The following MEGF8 variants were observed in gnomAD, a reference collection of about 807,000 sequenced individuals.
The protein encoded by MEGF8 is multiple EGF like domains 8.
MEGF8 carries 156 observed loss-of-function variants against 302.9 expected under a neutral mutation model. That is an observed-to-expected ratio of 0.52 (90% CI 0.45 to 0.59). The LOEUF (loss-of-function observed/expected upper bound fraction) is 0.59. MEGF8 is among the 20% of genes least tolerant of loss of function. The probability of loss-of-function intolerance (pLI) is 0.00; values close to 1 mark genes in which losing one functional copy is unlikely to be tolerated. For missense variants in MEGF8, 3,345 were observed against 3,964.5 expected (o/e 0.84, Z 4.20); for synonymous variants, 1,621 against 1,660.5 (o/e 0.98, Z 0.58).
Position 42,356,360 on chromosome 19 carries a change from G to A in MEGF8, c.4529G>A (p.Arg1510His), listed in dbSNP as rs541874206. The A allele has an allele frequency of 4.3e-5, 70 of 1,612,978 alleles. No individual in the cohort carries two copies. The highest frequency in any genetic ancestry group is 3.3e-4 in the African/African-American group (25 of 75,016). The change falls in exon 26 of 42, where the codon CGC (arginine) becomes CAC (histidine). Residue 1510 changes from arginine to histidine, a missense_variant. By Grantham distance (29) the Arg-to-His change is conservative. Transcript: ENST00000251268. The surrounding 1 kb of genome is among the most constrained non-coding windows in gnomAD (Gnocchi z 5.2). ...GACACTGCCAGCCGCTTCCTGCACC[G>A]CCTGGGCCACACCATGGTGGATGGA... Reference protein sequence around the residue: ...SADTASRFLHRLGHTMVDGPD... With the variant: ...SADTASRFLHHLGHTMVDGPD...
chr19:42,350,480 A>G, intron 15 of MEGF8, 96 bp downstream of exon 15: 1 of 1,162,864 alleles, frequency 8.6e-7, no homozygotes, highest in Non-Finnish European at 1.2e-6. Flanking sequence ...TGTGGGGGAA[A>G]CAGCAAGGGC....
rs2039429647 is a variant in MEGF8 at position 42,354,937 on chromosome 19, T to C, written c.4144+217T>C. The stretch of plus-strand genomic sequence containing the variant: ...GCAGAGAGAAGGGCTGAATGAGACA[T>C]GTCTCTGGGGCATATAGAATGTGGT... On this transcript the variant is annotated intron_variant, in intron 23 of 41. Transcript: ENST00000251268. The surrounding 1 kb of genome is among the most constrained non-coding windows in gnomAD (Gnocchi z 4.3). Among the ~76,000 whole-genome samples the C allele has an allele frequency of 6.6e-6, 1 of 152,152 alleles. No homozygotes were observed. The highest frequency in any genetic ancestry group is 1.5e-5 in the Non-Finnish European group (1 of 68,030).
At chr19:42,350,525 G>T (rs1221454979) in intron 15 of MEGF8, 141 bp downstream of exon 15, 1 of 743,916 alleles carries the variant, frequency 1.3e-6, no homozygotes, top group Non-Finnish European at 2.1e-6. Flanking sequence ...GGTGGGGAGG[G>T]TGAGATGGAG....
chr19:42,336,872 A>C lies in MEGF8; in HGVS notation c.1310A>C (p.Lys437Thr). ...GATCGGCATGTGTGGACGACGCTGA[A>C]GGGGCGGGATGGGCTTCAGGGCCCA... ...HVDRHVWTTLKGRDGLQGPRE... is the reference protein window; with the variant it reads ...HVDRHVWTTLTGRDGLQGPRE... Residue 437 changes from lysine to threonine, a missense_variant, in exon 7 of 42, where the codon AAG (lysine) becomes ACG (threonine). By Grantham distance (78) the Lys-to-Thr change is moderately conservative. Coordinates refer to ENST00000251268, the MANE Select transcript of MEGF8 (RefSeq NM_001271938.2). This position sits in a 1 kb window ranked among gnomAD's most constrained non-coding sequence, Gnocchi z 4.8. The C allele has an allele frequency of 6.2e-7, 1 of 1,612,862 alleles. No homozygotes were observed. The highest frequency in any genetic ancestry group is 8.5e-7 in the Non-Finnish European group (1 of 1,179,482).
intron 14 of MEGF8, among the ~76,000 whole-genome samples, chr19:42,349,921 C>T (rs1394293280): frequency 2.6e-5 from 4 of 152,092 alleles, no homozygotes; most frequent in South Asian, 2.1e-4. Flanking sequence ...CATCTTCTGA[C>T]TCCTCACCCT....
rs201780276 is a variant in MEGF8 at position 42,343,992 on chromosome 19, C to T, written c.1707C>T (p.Ser569=). ...ACTGCTCCATGTACACAGACCACAGCGTCTGCTCCCGGGACCCGGAATGCA... is the reference window on the plus strand; with the variant it reads ...ACTGCTCCATGTACACAGACCACAGTGTCTGCTCCCGGGACCCGGAATGCA... The part of the protein sequence containing the change: ...LDYCSMYTDH[S]VCSRDPECSW... Residue 569 remains serine (S), a synonymous_variant, in exon 10 of 42, where the codon AGC becomes AGT. Transcript: ENST00000251268. 2.9e-5 allele frequency: 47 copies of T among 1,613,706 alleles called. No individual in the cohort carries two copies. The highest frequency in any genetic ancestry group is 4.4e-5 in the South Asian group (4 of 91,090).
At chr19:42,363,586 G>A (rs974373078) in intron 35 of MEGF8, among the ~76,000 whole-genome samples, 2 of 152,060 alleles carry the variant, frequency 1.3e-5, no homozygotes, top group African/African-American at 4.8e-5. Flanking sequence ...TTAATTTTTT[G>A]TTTTTAATTT....
At chr19:42,359,345 AC>A in intron 31 of MEGF8, 103 bp downstream of exon 31, 1 of 1,094,664 alleles carries the variant, frequency 9.1e-7, no homozygotes, top group Non-Finnish European at 1.2e-6. Flanking sequence ...GCCCCTGCAG[AC>A]CCACTGGCAG....
Position 42,375,962 on chromosome 19 carries a change from T to G in MEGF8, c.7725T>G (p.Ile2575Met). 1.2e-6 allele frequency: 2 copies of G among 1,606,780 alleles called. No homozygotes were observed. Among genetic ancestry groups the G allele is most frequent in the Non-Finnish European group, 1.7e-6 (2 of 1,177,418 alleles). The change falls in exon 42 of 42, where the codon ATT becomes ATG. Residue 2575 changes from isoleucine (I) to methionine (M), a missense_variant. Physicochemically the swap from Ile to Met is conservative, Grantham distance 10. Transcript: ENST00000251268. This position sits in a 1 kb window ranked among gnomAD's most constrained non-coding sequence, Gnocchi z 7.1. Reference sequence around the variant, plus strand: ...GGGAGGTATGGCCGCGGGGCCTGATTACCTACGTGACGGTGACGGAGCCGT... The same window carrying G: ...GGGAGGTATGGCCGCGGGGCCTGATGACCTACGTGACGGTGACGGAGCCGT... The part of the protein sequence containing the change: ...RVREVWPRGL[I>M]TYVTVTEPSA...
In MEGF8 at chr19:42,361,011, C is replaced by A. The variant is rs1356870330; in HGVS notation, c.5720+5C>A. The A allele has an allele frequency of 1.3e-6, 2 of 1,536,324 alleles. No homozygotes were observed. Among genetic ancestry groups the A allele is most frequent in the Non-Finnish European group, 1.8e-6 (2 of 1,141,606 alleles). On this transcript the variant is annotated splice_donor_5th_base_variant and intron_variant, in intron 32 of 41. Transcript: ENST00000251268. Reference sequence around the variant, plus strand: ...GTCCGGGGATCAGGCCCACAGGTAACCATGGCGACCATGACAGGCAGTGGG... The same window carrying A: ...GTCCGGGGATCAGGCCCACAGGTAAACATGGCGACCATGACAGGCAGTGGG...
chr19:42,338,231 G>A (rs1230251936), intron 8 of MEGF8, among the ~76,000 whole-genome samples: 1 of 151,710 alleles, frequency 6.6e-6, no homozygotes, highest in Non-Finnish European at 1.5e-5. Context: ...TACCCAACAG[G>A]TAGGTTTTTT....
chr19:42,356,362 C>T lies in MEGF8; in HGVS notation c.4531C>T (p.Leu1511=). 1 of 1,613,228 alleles carries T rather than the reference C, an allele frequency of 6.2e-7. No individual in the cohort carries two copies. Among genetic ancestry groups the T allele is most frequent in the Non-Finnish European group, 8.5e-7 (1 of 1,179,634 alleles). Residue 1511 remains leucine (L), a synonymous_variant, in exon 26 of 42, where the codon CTG becomes TTG. Transcript: ENST00000251268. This position sits in a 1 kb window ranked among gnomAD's most constrained non-coding sequence, Gnocchi z 5.2. The part of the protein sequence containing the change: ...ADTASRFLHR[L]GHTMVDGPDA... ...CACTGCCAGCCGCTTCCTGCACCGC[C>T]TGGGCCACACCATGGTGGATGGACC...
In MEGF8 at chr19:42,348,454, C is replaced by T; in HGVS notation, c.2280C>T (p.Gly760=). 1 of 1,522,996 alleles carries T rather than the reference C, an allele frequency of 6.6e-7. No homozygotes were observed. The highest frequency in any genetic ancestry group is 1.2e-5 in the South Asian group (1 of 83,302). The allele number at this position is 1,522,996 out of a possible 1,614,324, so 94.3% of individuals were successfully genotyped here. A position where few individuals can be genotyped will look rare whatever the true frequency, so the allele number is the denominator to read the frequency against. The change falls in exon 13 of 42, where the codon GGC becomes GGT. Residue 760 remains glycine (G), a synonymous_variant. Coordinates refer to ENST00000251268, the MANE Select transcript of MEGF8 (RefSeq NM_001271938.2). ...ACGTCCTGGCCCGGATGGCCCGTGGCCCTGACACGGAGAACATGGTGAGGC... is the reference window on the plus strand; with the variant it reads ...ACGTCCTGGCCCGGATGGCCCGTGGTCCTGACACGGAGAACATGGTGAGGC... ...RLHVLARMAR[G]PDTENMEEVG...
rs1008671180 is a variant in MEGF8, at chr19:42,358,653, A to G, written c.5176-134A>G. On this transcript the variant is annotated intron_variant, in intron 29 of 41. Transcript: ENST00000251268. This position sits in a 1 kb window ranked among gnomAD's most constrained non-coding sequence, Gnocchi z 4.4. ...CCAAGGAGAATGTGTGTGGGAGGGC[A>G]GGGAGCCCTGTCTGCACTGGTTAGA... 9.4e-7 allele frequency: 1 copy of G among 1,069,124 alleles called. No individual in the cohort carries two copies. Among genetic ancestry groups the G allele is most frequent in the Non-Finnish European group, 1.3e-6 (1 of 763,352 alleles). 66.2% of individuals were successfully genotyped at this position (1,069,124 alleles called of 1,614,324 possible).
rs1292801129 is a variant in MEGF8, at chr19:42,352,134, C to T, written c.3102-74C>T. Reference sequence around the variant, plus strand: ...CCTCTCCTTCCAATTGGCCTCCTCTCTCCCTGTCATTGTTTCTATGTATGG... The same window carrying T: ...CCTCTCCTTCCAATTGGCCTCCTCTTTCCCTGTCATTGTTTCTATGTATGG... On this transcript the variant is annotated intron_variant, in intron 18 of 41. Transcript: ENST00000251268. The surrounding 1 kb of genome is among the most constrained non-coding windows in gnomAD (Gnocchi z 4.4). 3 of 1,443,036 alleles carry T rather than the reference C, an allele frequency of 2.1e-6. No homozygotes were observed. The highest frequency in any genetic ancestry group is 2.8e-6 in the Non-Finnish European group (3 of 1,090,814). The allele number at this position is 1,443,036 out of a possible 1,614,324, so 89.4% of individuals were successfully genotyped here.
In MEGF8 at chr19:42,376,113, G is replaced by A. The variant is rs200506642; in HGVS notation, c.7876G>A (p.Gly2626Ser). 3.7e-5 allele frequency: 60 copies of A among 1,606,998 alleles called. No homozygotes were observed. The highest frequency in any genetic ancestry group is 1.2e-4 in the African/African-American group (9 of 75,058). The change falls in exon 42 of 42, where the codon GGC (glycine) becomes AGC (serine). Residue 2626 changes from glycine to serine, a missense_variant. Coordinates refer to ENST00000251268, the MANE Select transcript of MEGF8 (RefSeq NM_001271938.2). This position sits in a 1 kb window ranked among gnomAD's most constrained non-coding sequence, Gnocchi z 8.2. The part of the protein sequence containing the change: ...LLGVGDPSGP[G>S]ANGSADSQGL... ...GGGCGTGGGAGACCCAAGTGGGCCC[G>A]GCGCCAACGGCTCAGCCGACTCGCA...
chr19:42,331,941 C>A (rs188970251), intron 1 of MEGF8, among the ~76,000 whole-genome samples: 4 of 152,052 alleles, frequency 2.6e-5, no homozygotes, highest in Admixed American at 2.6e-4. Flanking sequence ...TCACTGCAAC[C>A]TCTGCCTCCC....
At chr19:42,371,596 T>A in intron 41 of MEGF8, 114 bp downstream of exon 41, 1 of 1,441,834 alleles carries the variant, frequency 6.9e-7, no homozygotes, top group Non-Finnish European at 9.5e-7. Context: ...AAATCAGTGG[T>A]TTTGGGATCA....
chr19:42,344,326 C>A lies in MEGF8; in HGVS notation c.1789-115C>A. ...ATCTCCCACATTCCAAGTCAACTCC[C>A]CGTTCTTCAGTTTTTTCGCCCTTTC... On this transcript the variant is annotated intron_variant, in intron 10 of 41. Coordinates refer to ENST00000251268, the MANE Select transcript of MEGF8 (RefSeq NM_001271938.2). This position sits in a 1 kb window ranked among gnomAD's most constrained non-coding sequence, Gnocchi z 4.5. The A allele has an allele frequency of 7.1e-7, 1 of 1,416,896 alleles. No individual in the cohort carries two copies. The highest frequency in any genetic ancestry group is 9.4e-7 in the Non-Finnish European group (1 of 1,061,064). The allele number at this position is 1,416,896 out of a possible 1,614,324, so 87.8% of individuals were successfully genotyped here. A position where few individuals can be genotyped will look rare whatever the true frequency, so the allele number is the denominator to read the frequency against.
Sources: gnomAD v4.1 joint callset for allele counts (sites outside exome capture counted in the v4.1 genomes callset) on GRCh38, gnomAD v4.1.1 for gene constraint, Gnocchi (gnomAD v3.1) non-coding constraint, MANE v1.5 for transcripts, NCBI Gene and HGNC (gene_info 2026-07-23, HGNC 2026-07-21) for gene names.